Variants in NUMB observed in about 807,000 individuals in gnomAD.
The protein encoded by NUMB is protein numb homolog.
In NUMB, 29 loss-of-function variants were observed where a neutral mutation model predicts 59.7. The observed-to-expected ratio is 0.49, with a 90% confidence interval of 0.36 to 0.66. The LOEUF is 0.66. Ranked by LOEUF, NUMB falls within the 30% of genes least tolerant of loss-of-function variation. The pLI, the probability that NUMB is intolerant of heterozygous loss-of-function variation, is 0.00. For missense variants in NUMB, 723 were observed against 822.0 expected (o/e 0.88, Z 1.47); for synonymous variants, 288 against 288.2 (o/e 1.00, Z 0.01).
chr14:73,296,839 A>G (rs994757358), intron 7 of NUMB, among the ~76,000 whole-genome samples: 4 of 152,192 alleles, frequency 2.6e-5, no homozygotes, highest in Non-Finnish European at 4.4e-5. Flanking sequence ...CCTGGCCAAC[A>G]TGGTGAAACC....
At chr14:73,447,270 C>T (rs139221054) in intron 1 of NUMB, among the ~76,000 whole-genome samples, 8 of 149,630 alleles carry the variant, frequency 5.3e-5, no homozygotes, top group Middle Eastern at 3.7e-3. Context: ...GGGCAGATCA[C>T]GAGGTCAGGA....
At chr14:73,430,832 C>G (rs1897795058) in intron 1 of NUMB, among the ~76,000 whole-genome samples, 1 of 151,866 alleles carries the variant, frequency 6.6e-6, no homozygotes, top group Non-Finnish European at 1.5e-5. Context: ...GTAGTCCCAG[C>G]TACTGGGAAG....
At chr14:73,280,049 A>T (rs1480118480) in intron 11 of NUMB, among the ~76,000 whole-genome samples, 1 of 152,042 alleles carries the variant, frequency 6.6e-6, no homozygotes, top group African/African-American at 2.4e-5. Context: ...CCTAGCTACT[A>T]GGGAGGCTGA....
intron 6 of NUMB, among the ~76,000 whole-genome samples, chr14:73,307,709 A>G (rs1890532911): frequency 6.6e-6 from 1 of 151,358 alleles, no homozygotes; most frequent in Admixed American, 6.6e-5. Flanking sequence ...ACAGTGAAGC[A>G]ACATAATCGG....
intron 6 of NUMB, among the ~76,000 whole-genome samples, chr14:73,315,853 TAATC>T (rs1214611403): frequency 1.3e-5 from 2 of 152,188 alleles, no homozygotes; most frequent in African/African-American, 4.8e-5. Flanking sequence ...ATTGAGGAGA[TAATC>T]CTCTTTTAAC....
intron 3 of NUMB, among the ~76,000 whole-genome samples, chr14:73,366,465 T>C (rs780196092): frequency 4.6e-5 from 7 of 152,250 alleles, no homozygotes; most frequent in Non-Finnish European, 1.0e-4. Flanking sequence ...TGCCATTCAC[T>C]GAATGCTTAC....
Position 73,356,977 on chromosome 14 carries a change from C to T in NUMB, c.-15-1211G>A, listed in dbSNP as rs565050067. 11 of 822,288 alleles carry T rather than the reference C, an allele frequency of 1.3e-5. No homozygotes were observed. In the South Asian group the frequency reaches 3.3e-4, roughly 25 times the overall value. The allele number at this position is 822,288 out of a possible 1,614,324, so 50.9% of individuals were successfully genotyped here. ...CCTCTCTAAGTGCTGGAATTACAGG[C>T]GTGAGCCACCATACCTGGCCAGAAG... On this transcript the variant is annotated intron_variant, in intron 3 of 12. Transcript: ENST00000555238.
Position 73,367,348 on chromosome 14 carries a change from TAGAG to T in NUMB, c.-100-371_-100-368del, listed in dbSNP as rs71112740. The stretch of plus-strand genomic sequence containing the variant: ...ATATATACATATATATATATATATA[TAGAG>T]AGAGAGAGAGAGAGAGAGAGAGACA... On this transcript the variant is annotated intron_variant, in intron 2 of 12. Coordinates refer to ENST00000555238, the MANE Select transcript of NUMB (RefSeq NM_001005743.2). Among the ~76,000 whole-genome samples the T allele has an allele frequency of 1.7e-3, 182 of 105,310 alleles. 1 individual carries two copies. The highest frequency in any genetic ancestry group is 7.1e-3 in the South Asian group (25 of 3,498). The allele number at this position is 105,310 out of a possible 152,430, so 69.1% of individuals were successfully genotyped here. A position where few individuals can be genotyped will look rare whatever the true frequency, so the allele number is the denominator to read the frequency against.
chr14:73,321,303 ATC>A (rs1891390332), intron 5 of NUMB, among the ~76,000 whole-genome samples: 4 of 152,216 alleles, frequency 2.6e-5, no homozygotes, highest in South Asian at 4.1e-4. Context: ...TTTCAGGGCT[ATC>A]TAGTCTGTTC....
At chr14:73,335,828 T>G (rs1193915791) in intron 4 of NUMB, among the ~76,000 whole-genome samples, 1 of 152,242 alleles carries the variant, frequency 6.6e-6, no homozygotes, top group Non-Finnish European at 1.5e-5. Flanking sequence ...TTACAGCATC[T>G]TAACACATAC....
intron 1 of NUMB, among the ~76,000 whole-genome samples, chr14:73,453,120 G>A (rs1487148638): frequency 6.6e-6 from 1 of 151,012 alleles, no homozygotes; most frequent in Non-Finnish European, 1.5e-5. Flanking sequence ...TTTTTTTTAT[G>A]GTTTCTTTTT....
chr14:73,335,510 C>T (rs560475106), intron 4 of NUMB, among the ~76,000 whole-genome samples: 1 of 152,182 alleles, frequency 6.6e-6, no homozygotes, highest in East Asian at 1.9e-4. Flanking sequence ...CTGATTTATG[C>T]TTAATGGCTA....
At chr14:73,401,448 T>G (rs1896408578) in intron 2 of NUMB, among the ~76,000 whole-genome samples, 2 of 150,158 alleles carry the variant, frequency 1.3e-5, no homozygotes, top group South Asian at 4.2e-4. Context: ...CAATAATGAC[T>G]AACTGGCTAT....
At position 73,351,406 on chromosome 14, in the gene NUMB, AGGTTGCAGTGAGCGGG is replaced by A. The variant is rs1323419971; in HGVS notation, c.126+4204_126+4219del. Among the ~76,000 whole-genome samples, 29 of 152,284 alleles carry A rather than the reference AGGTTGCAGTGAGCGGG, an allele frequency of 1.9e-4. No individual in the cohort carries two copies. The East Asian group carries it at 4.6e-3, about 24-fold the overall frequency. ...AGCATCATTTGAACCCTAGAGGCGG[AGGTTGCAGTGAGCGGG>A]GGTTGCAGTGAGCTGAGATCGCGCC... On this transcript the variant is annotated intron_variant, in intron 4 of 12. Coordinates refer to ENST00000555238, the MANE Select transcript of NUMB (RefSeq NM_001005743.2).
intron 1 of NUMB, among the ~76,000 whole-genome samples, chr14:73,451,179 A>AAAAAAC (rs1566804087): frequency 6.7e-6 from 1 of 148,856 alleles, no homozygotes; most frequent in African/African-American, 2.5e-5. Flanking sequence ...AAAAAACAAA[A>AAAAAAC]AACAAATCTA....
intron 1 of NUMB, among the ~76,000 whole-genome samples, chr14:73,419,014 T>C (rs1897244126): frequency 6.6e-6 from 1 of 152,220 alleles, no homozygotes; most frequent in Non-Finnish European, 1.5e-5. Context: ...TGTATCCACA[T>C]TCTAATAATT....
rs71112753 is a variant in NUMB, at chr14:73,425,809, A to ATT, written c.-232-15743_-232-15742dup. ...GGGGCTATAATTCTAATTTTATTTA[A>ATT]TTTTTTTTTTTTTTTTTGAGACAGA... On this transcript the variant is annotated intron_variant, in intron 1 of 12. Coordinates refer to ENST00000555238, the MANE Select transcript of NUMB (RefSeq NM_001005743.2). Among the ~76,000 whole-genome samples, 1,241 of 138,124 alleles carry ATT rather than the reference A, an allele frequency of 9.0e-3. 8 individuals carry two copies. Among genetic ancestry groups the ATT allele is most frequent in the African/African-American group, 0.012 (463 of 37,350 alleles). 90.6% of individuals were successfully genotyped at this position (138,124 alleles called of 152,430 possible).
chr14:73,363,149 T>C (rs1208830841), intron 3 of NUMB, among the ~76,000 whole-genome samples: 1 of 151,752 alleles, frequency 6.6e-6, no homozygotes, highest in Non-Finnish European at 1.5e-5. Flanking sequence ...TACAAAAAAT[T>C]AGTCAGGCAC....
At chr14:73,312,578 G>A (rs1021399477) in intron 6 of NUMB, among the ~76,000 whole-genome samples, 2 of 152,114 alleles carry the variant, frequency 1.3e-5, no homozygotes, top group African/African-American at 4.8e-5. Flanking sequence ...GCTGAGTGTG[G>A]TGGCACATGC....
Sources: gnomAD v4.1 joint callset for allele counts (sites outside exome capture counted in the v4.1 genomes callset) on GRCh38, gnomAD v4.1.1 for gene constraint, MANE v1.5 for transcripts, NCBI Gene and HGNC (gene_info 2026-07-23, HGNC 2026-07-21) for gene names.